The following PDGFB variants were observed in gnomAD, a reference collection of about 807,000 sequenced individuals.
The protein encoded by PDGFB is platelet-derived growth factor subunit B.
PDGFB carries 6 observed loss-of-function variants against 29.0 expected under a neutral mutation model. The ratio of observed to expected loss-of-function variants is 0.21; its 90% CI spans 0.11 to 0.41. PDGFB has a LOEUF of 0.41. Ranked by LOEUF, PDGFB falls within the 10% of genes least tolerant of loss-of-function variation. The probability of loss-of-function intolerance (pLI) is 1.00; values close to 1 mark genes in which losing one functional copy is unlikely to be tolerated. For synonymous variants in PDGFB, 144 were observed against 140.8 expected (o/e 1.02, Z -0.16); for missense variants, 299 against 341.8 (o/e 0.87, Z 0.99).
intron 3 of PDGFB, among the ~76,000 whole-genome samples, 196 bp downstream of exon 3, chr22:39,233,239 G>A (rs944703700): frequency 1.3e-5 from 2 of 152,210 alleles, no homozygotes; most frequent in Non-Finnish European, 2.9e-5. Context: ...AGAGAGTGTG[G>A]GGGCGAGGGG....
At chr22:39,226,290 G>A (rs762275120) in intron 5 of PDGFB, among the ~76,000 whole-genome samples, 16 of 152,202 alleles carry the variant, frequency 1.1e-4, no homozygotes, top group African/African-American at 1.4e-4. Flanking sequence ...ACGTGGTGCC[G>A]TGCCAGTTCC....
At chr22:39,238,573 C>T (rs1932498746) in intron 1 of PDGFB, among the ~76,000 whole-genome samples, 1 of 152,208 alleles carries the variant, frequency 6.6e-6, no homozygotes, top group African/African-American at 2.4e-5. Context: ...CAGATGAGAA[C>T]ACTGAAGCTT....
intron 1 of PDGFB, among the ~76,000 whole-genome samples, chr22:39,236,193 G>A (rs1342613791): frequency 6.6e-6 from 1 of 152,226 alleles, no homozygotes; most frequent in African/African-American, 2.4e-5. Context: ...ACCAAAATCT[G>A]ATTTCTCCCT....
chr22:39,228,886 C>CAAAAA (rs34953400), intron 5 of PDGFB, among the ~76,000 whole-genome samples: 791 of 72,528 alleles, frequency 0.011, 15 homozygotes, highest in African/African-American at 0.028. Flanking sequence ...GAGACTGCCT[C>CAAAAA]AAAAAAAATA....
At chr22:39,239,273 G>T (rs1287376301) in intron 1 of PDGFB, among the ~76,000 whole-genome samples, 2 of 152,156 alleles carry the variant, frequency 1.3e-5, no homozygotes, top group African/African-American at 2.4e-5. Flanking sequence ...AGTGGGTGGA[G>T]AGCTGCCTGC....
At chr22:39,238,839 G>A (rs563834626) in intron 1 of PDGFB, among the ~76,000 whole-genome samples, 1 of 152,264 alleles carries the variant, frequency 6.6e-6, no homozygotes, top group Non-Finnish European at 1.5e-5. Context: ...ATGTATGAAG[G>A]CATCGCTGGT....
intron 1 of PDGFB, among the ~76,000 whole-genome samples, chr22:39,237,499 G>C (rs967757194): frequency 6.6e-6 from 1 of 152,228 alleles, no homozygotes; most frequent in Non-Finnish European, 1.5e-5. Flanking sequence ...GCACGTGCAA[G>C]ACAGAGGAGG....
chr22:39,231,880 C>CA lies in PDGFB; in HGVS notation c.251-54dup. On this transcript the variant is annotated intron_variant, in intron 3 of 6. Coordinates refer to ENST00000331163, the MANE Select transcript of PDGFB (RefSeq NM_002608.4). The surrounding 1 kb of genome is among the most constrained non-coding windows in gnomAD (Gnocchi z 4.3). Reference sequence around the variant, plus strand: ...AGCGTAGGCCTGTCCAGAGTCCCCCCACTTGGCAGGGGAGCTCAGCGGGTG... The same window carrying CA: ...AGCGTAGGCCTGTCCAGAGTCCCCCCAACTTGGCAGGGGAGCTCAGCGGGTG... 6.6e-7 allele frequency: 1 copy of CA among 1,516,600 alleles called. No individual in the cohort carries two copies. Among genetic ancestry groups the CA allele is most frequent in the Non-Finnish European group, 9.0e-7 (1 of 1,111,300 alleles). The allele number at this position is 1,516,600 out of a possible 1,614,324, so 93.9% of individuals were successfully genotyped here. A position where few individuals can be genotyped will look rare whatever the true frequency, so the allele number is the denominator to read the frequency against.
rs767228828 is a variant in PDGFB at position 39,243,274 on chromosome 22, T to TTC, written c.63+625_63+626dup. Among the ~76,000 whole-genome samples, 736 of 60,838 alleles carry TTC rather than the reference T, an allele frequency of 0.012. 7 individuals are homozygous for TTC. The highest frequency in any genetic ancestry group is 0.026 in the African/African-American group (637 of 24,836). 39.9% of individuals were successfully genotyped at this position (60,838 alleles called of 152,430 possible). A position where few individuals can be genotyped will look rare whatever the true frequency, so the allele number is the denominator to read the frequency against. On this transcript the variant is annotated intron_variant, in intron 1 of 6. Coordinates refer to ENST00000331163, the MANE Select transcript of PDGFB (RefSeq NM_002608.4). The surrounding 1 kb of genome is among the most constrained non-coding windows in gnomAD (Gnocchi z 6.4). ...TCCGTCTCTCTCTCTCTCTCTCTCT[T>TTC]TCTCTCTCTCTCTCTCTCTCTCCCT... is the stretch of plus-strand genomic sequence containing the variant.
At chr22:39,227,555 G>A (rs980678141) in intron 5 of PDGFB, among the ~76,000 whole-genome samples, 4 of 150,828 alleles carry the variant, frequency 2.7e-5, no homozygotes, top group African/African-American at 1.0e-4. Flanking sequence ...ACCGGCAGAT[G>A]CTGTTACCCA....
chr22:39,242,963 G>C lies in PDGFB; in HGVS notation c.63+938C>G, dbSNP rs1220310308. 16 of 232,924 alleles carry C rather than the reference G, an allele frequency of 6.9e-5. No homozygotes were observed. The East Asian group carries it at 9.7e-4, about 14-fold the overall frequency. The allele number at this position is 232,924 out of a possible 1,614,324, so 14.4% of individuals were successfully genotyped here. On this transcript the variant is annotated intron_variant, in intron 1 of 6. Transcript: ENST00000331163. This position sits in a 1 kb window ranked among gnomAD's most constrained non-coding sequence, Gnocchi z 5.7. ...TAGACTTGCCAACTCACGGCTACGTGAGGCTGGGAGGGGTGGGGACGGCTC... is the reference window on the plus strand; with the variant it reads ...TAGACTTGCCAACTCACGGCTACGTCAGGCTGGGAGGGGTGGGGACGGCTC...
chr22:39,232,559 G>A (rs1393816005), intron 3 of PDGFB, among the ~76,000 whole-genome samples: 4 of 151,776 alleles, frequency 2.6e-5, no homozygotes, highest in South Asian at 2.1e-4. Context: ...GCGTGGTCTC[G>A]GCTAACTGCA....
intron 5 of PDGFB, 53 bp downstream of exon 5, chr22:39,230,031 C>G (rs547573386): frequency 1.3e-6 from 2 of 1,593,178 alleles, no homozygotes; most frequent in Admixed American, 1.7e-5. Flanking sequence ...GGCCCCTGCC[C>G]CCAGCTGCTG....
intron 1 of PDGFB, among the ~76,000 whole-genome samples, chr22:39,240,508 G>GT (rs1363131774): frequency 6.6e-5 from 10 of 151,770 alleles, no homozygotes; most frequent in Admixed American, 3.3e-4. Context: ...CTCAAGATGG[G>GT]GGGCTTTGAA....
At chr22:39,235,028 G>A (rs578037893) in intron 2 of PDGFB, among the ~76,000 whole-genome samples, 2 of 152,326 alleles carry the variant, frequency 1.3e-5, no homozygotes, top group East Asian at 3.9e-4. Flanking sequence ...AGCACAGGCG[G>A]GATTGAAAGG....
intron 2 of PDGFB, among the ~76,000 whole-genome samples, chr22:39,233,932 A>G (rs900360232): frequency 6.9e-6 from 1 of 144,756 alleles, no homozygotes; most frequent in Non-Finnish European, 1.5e-5. Context: ...AAATTCCCAG[A>G]AGCCCCAGGG....
chr22:39,241,990 A>G (rs932780768), intron 1 of PDGFB, among the ~76,000 whole-genome samples: 1 of 151,938 alleles, frequency 6.6e-6, no homozygotes, highest in Non-Finnish European at 1.5e-5. Context: ...GGGCCGCTAC[A>G]GAGGTGGTGA....
Position 39,244,872 on chromosome 22 carries a change from T to G in PDGFB, c.-909A>C, listed in dbSNP as rs1294983185. The G allele has an allele frequency of 2.6e-5, 5 of 194,912 alleles. No individual in the cohort carries two copies. The highest frequency in any genetic ancestry group is 1.2e-4 in the African/African-American group (5 of 41,964). The allele number at this position is 194,912 out of a possible 1,614,324, so 12.1% of individuals were successfully genotyped here. On this transcript the variant is annotated 5_prime_UTR_variant, in exon 1 of 7. Coordinates refer to ENST00000331163, the MANE Select transcript of PDGFB (RefSeq NM_002608.4). This position sits in a 1 kb window ranked among gnomAD's most constrained non-coding sequence, Gnocchi z 4.5. Reference sequence around the variant, plus strand: ...GCGCAAAGTATCTCTATCTAGGGAATGAAAAATGGGCGCTGGCGGCCGGAG... The same window carrying G: ...GCGCAAAGTATCTCTATCTAGGGAAGGAAAAATGGGCGCTGGCGGCCGGAG...
rs1445749205 is a variant in PDGFB, at chr22:39,234,664, A to G, written c.160+1114T>C. 2.6e-5 allele frequency among the ~76,000 whole-genome samples: 4 copies of G among 152,184 alleles called. No homozygotes were observed. In the East Asian group the frequency reaches 7.7e-4, roughly 29 times the overall value. On this transcript the variant is annotated intron_variant, in intron 2 of 6. Coordinates refer to ENST00000331163, the MANE Select transcript of PDGFB (RefSeq NM_002608.4). ...CTGGCTCCTTTCCTTTCTCCCTGCC[A>G]TCTCTGGAATGTCCCTGGTGGGGAG...
Sources: allele counts gnomAD v4.1 joint callset (sites outside exome capture counted in the v4.1 genomes callset), GRCh38; gene constraint gnomAD v4.1.1; non-coding constraint Gnocchi (gnomAD v3.1); transcripts MANE v1.5; gene names NCBI Gene and HGNC (gene_info 2026-07-23, HGNC 2026-07-21).